Variants in ENTHD1 observed in about 807,000 individuals in gnomAD.
ENTHD1 encodes ENTH domain containing 1, also known as ENTH domain-containing protein 1.
A neutral mutation model predicts 39.1 loss-of-function variants in ENTHD1; 23 were observed. The ratio of observed to expected loss-of-function variants is 0.59; its 90% CI spans 0.42 to 0.83. ENTHD1 has a LOEUF of 0.83. Among genes scored for constraint, ENTHD1 ranks in the 40% least tolerant of loss-of-function variants. The probability of loss-of-function intolerance (pLI) is 0.00; values close to 1 mark genes in which losing one functional copy is unlikely to be tolerated. For synonymous variants in ENTHD1, 230 were observed against 258.2 expected (o/e 0.89, Z 1.05); for missense variants, 624 against 705.4 (o/e 0.88, Z 1.31).
intron 5 of ENTHD1, among the ~76,000 whole-genome samples, chr22:39,775,650 A>G (rs2065360129): frequency 6.6e-6 from 1 of 152,046 alleles, no homozygotes; most frequent in African/African-American, 2.4e-5. Context: ...AAGAGACTCG[A>G]TTTCCCCTCG....
intron 6 of ENTHD1, among the ~76,000 whole-genome samples, chr22:39,748,690 T>G (rs569536299): frequency 6.6e-6 from 1 of 152,222 alleles, no homozygotes; most frequent in South Asian, 2.1e-4. Flanking sequence ...CCCAAAGTGC[T>G]GGGATTACAG....
intron 2 of ENTHD1, among the ~76,000 whole-genome samples, chr22:39,878,543 T>C (rs977360296): frequency 2.0e-5 from 3 of 150,194 alleles, no homozygotes; most frequent in Admixed American, 6.6e-5. Context: ...AAAAACACCT[T>C]ACGTATAGAG....
At chr22:39,748,453 G>A (rs975803733) in intron 6 of ENTHD1, among the ~76,000 whole-genome samples, 3 of 150,582 alleles carry the variant, frequency 2.0e-5, no homozygotes, top group Admixed American at 6.6e-5. Context: ...ACGGAGTCTC[G>A]CTCTGTTGCC....
intron 5 of ENTHD1, among the ~76,000 whole-genome samples, chr22:39,780,274 G>A (rs1187858846): frequency 6.6e-6 from 1 of 151,922 alleles, no homozygotes; most frequent in East Asian, 1.9e-4. Flanking sequence ...CTACCCAGGA[G>A]GCCGAGCCAG....
intron 6 of ENTHD1, among the ~76,000 whole-genome samples, chr22:39,753,722 CTGT>C (rs2065163960): frequency 6.6e-6 from 1 of 152,232 alleles, no homozygotes; most frequent in South Asian, 2.1e-4. Context: ...CCTGGCCTCA[CTGT>C]TTCTTGAATT....
intron 3 of ENTHD1, among the ~76,000 whole-genome samples, chr22:39,843,959 CTA>C (rs1346989500): frequency 6.6e-6 from 1 of 152,168 alleles, no homozygotes; most frequent in Non-Finnish European, 1.5e-5. Flanking sequence ...GACACAATCT[CTA>C]TGTTTCTGCT....
In ENTHD1 at chr22:39,857,443, C is replaced by CA. The variant is rs71197196; in HGVS notation, c.592+4321dup. 7.4e-3 allele frequency among the ~76,000 whole-genome samples: 182 copies of CA among 24,706 alleles called. 11 individuals are homozygous for CA. The highest frequency in any genetic ancestry group is 0.013 in the Non-Finnish European group (139 of 10,692). The allele number at this position is 24,706 out of a possible 152,430, so 16.2% of individuals were successfully genotyped here. A position where few individuals can be genotyped will look rare whatever the true frequency, so the allele number is the denominator to read the frequency against. ...GGACAGCAAGAGTGAAACTCCGTCTCAAAAAAAAAAAAAAAAAAAAAAAAA... is the reference window on the plus strand; with the variant it reads ...GGACAGCAAGAGTGAAACTCCGTCTCAAAAAAAAAAAAAAAAAAAAAAAAAA... On this transcript the variant is annotated intron_variant, in intron 3 of 6. Coordinates refer to ENST00000325157, the MANE Select transcript of ENTHD1 (RefSeq NM_152512.4).
intron 1 of ENTHD1, among the ~76,000 whole-genome samples, chr22:39,892,796 G>A (rs2066437651): frequency 6.6e-6 from 1 of 152,208 alleles, no homozygotes; most frequent in Non-Finnish European, 1.5e-5. Context: ...ATAGACATGA[G>A]TTTGACTCGT....
In ENTHD1 at chr22:39,862,006, A is replaced by C; in HGVS notation, c.351T>G (p.Gly117=). 1.3e-6 allele frequency: 2 copies of C among 1,481,998 alleles called. No homozygotes were observed. The highest frequency in any genetic ancestry group is 1.8e-6 in the Non-Finnish European group (2 of 1,096,994). 91.8% of individuals were successfully genotyped at this position (1,481,998 alleles called of 1,614,324 possible). ...GCTTAGATTTTTCCCGGATATAATA[A>C]CCTGAAAAATACATTGACTCTGCTT... ...QHIDEAGKDQ[G]YYIREKSKQV... The change falls in exon 3 of 7, where the codon GGT becomes GGG. Residue 117 remains glycine, a splice_region_variant and synonymous_variant. Coordinates refer to ENST00000325157, the MANE Select transcript of ENTHD1 (RefSeq NM_152512.4).
At chr22:39,876,107 G>A (rs2066287418) in intron 2 of ENTHD1, 5 of 1,600,966 alleles carry the variant, frequency 3.1e-6, no homozygotes, top group Admixed American at 1.7e-5. Context: ...TATGGTGATT[G>A]TTGGTTAGAG....
chr22:39,775,534 C>T (rs1351425408), intron 5 of ENTHD1, among the ~76,000 whole-genome samples: 1 of 152,120 alleles, frequency 6.6e-6, no homozygotes, highest in East Asian at 1.9e-4. Flanking sequence ...ATGTTATTTA[C>T]TAGGGGAATA....
At chr22:39,807,888 C>CG (rs2065656318) in intron 5 of ENTHD1, among the ~76,000 whole-genome samples, 1 of 145,918 alleles carries the variant, frequency 6.9e-6, no homozygotes, top group Non-Finnish European at 1.5e-5. Flanking sequence ...TATATACGTA[C>CG]GTGTGTGTGT....
chr22:39,839,894 AT>A (rs2146683314), intron 3 of ENTHD1, among the ~76,000 whole-genome samples: 1 of 152,346 alleles, frequency 6.6e-6, no homozygotes, highest in Non-Finnish European at 1.5e-5. Context: ...TTGGAGATGC[AT>A]TTTGGCCTAG....
At chr22:39,763,476 A>G (rs1211894112) in intron 6 of ENTHD1, among the ~76,000 whole-genome samples, 1 of 152,188 alleles carries the variant, frequency 6.6e-6, no homozygotes, top group African/African-American at 2.4e-5. Flanking sequence ...TCCCAAGCTC[A>G]GTGAGACTGC....
At chr22:39,814,412 A>G (rs1457316358) in intron 5 of ENTHD1, among the ~76,000 whole-genome samples, 3 of 152,156 alleles carry the variant, frequency 2.0e-5, no homozygotes, top group Admixed American at 6.5e-5. Flanking sequence ...GTGAACCGCA[A>G]TTGTGCCACT....
chr22:39,838,348 A>G (rs1011104809), intron 3 of ENTHD1, among the ~76,000 whole-genome samples: 1 of 152,162 alleles, frequency 6.6e-6, no homozygotes, highest in Non-Finnish European at 1.5e-5. Context: ...AAATGACTTC[A>G]TCAAGTTAAC....
At chr22:39,850,224 A>G (rs2146703107) in intron 3 of ENTHD1, among the ~76,000 whole-genome samples, 2 of 152,268 alleles carry the variant, frequency 1.3e-5, no homozygotes, top group Middle Eastern at 3.4e-3. Flanking sequence ...AGTTCTACCA[A>G]CTTTTGCTTT....
rs192806422 is a variant in ENTHD1 at position 39,798,218 on chromosome 22, C to G, written c.832+22775G>C. Among the ~76,000 whole-genome samples, 6 of 151,886 alleles carry G rather than the reference C, an allele frequency of 4.0e-5. No homozygotes were observed. In the South Asian group the frequency reaches 8.3e-4, roughly 21 times the overall value. On this transcript the variant is annotated intron_variant, in intron 5 of 6. Coordinates refer to ENST00000325157, the MANE Select transcript of ENTHD1 (RefSeq NM_152512.4). ...TTCCAAATTCTTTCTTCTGCTTGTT[C>G]TAGTCTATTGTTGAAGCTCTTTAAT...
At chr22:39,844,807 G>A (rs2065973885) in intron 3 of ENTHD1, among the ~76,000 whole-genome samples, 2 of 152,120 alleles carry the variant, frequency 1.3e-5, no homozygotes, top group Admixed American at 6.5e-5. Flanking sequence ...CGGAGGAGAG[G>A]TGAAAATAGC....
Sources: allele counts gnomAD v4.1 joint callset (sites outside exome capture counted in the v4.1 genomes callset), GRCh38; gene constraint gnomAD v4.1.1; transcripts MANE v1.5; gene names NCBI Gene and HGNC (gene_info 2026-07-23, HGNC 2026-07-21).